FAM184A: variants seen among roughly 807,000 people sequenced by gnomAD.
FAM184A encodes the protein family with sequence similarity 184 member A, also known as protein FAM184A.
Under a neutral mutation model 143.8 loss-of-function variants are expected in FAM184A, and 99 were observed. The observed-to-expected ratio is 0.69, with a 90% CI of 0.58 to 0.81. The LOEUF is 0.81. Among genes scored for constraint, FAM184A ranks in the 40% least tolerant of loss-of-function variants. The pLI is 0.00. For synonymous variants in FAM184A, 427 were observed against 446.4 expected, an observed-to-expected ratio of 0.96 and a Z score of 0.55; for missense variants, 1,217 against 1,310.5, an observed-to-expected ratio of 0.93 and a Z score of 1.10.
rs138924797 is a variant in FAM184A, at chr6:119,093,581, A to G, written c.-202+55497T>C. Among the ~76,000 whole-genome samples, 125 of 152,308 alleles carry G rather than the reference A, an allele frequency of 8.2e-4. 2 individuals carry two copies. The highest frequency in any genetic ancestry group is 2.8e-3 in the African/African-American group (118 of 41,566). On this transcript the variant is annotated intron_variant, in intron 1 of 16. Transcript: ENST00000352896. ...AGTACCTTCCCTCTTACGGTATGCT[A>G]GAACTTGACACATTTTCAAGCTACA...
chr6:119,011,139 G>A, intron 6 of FAM184A, 170 bp downstream of exon 6: 1 of 548,814 alleles, frequency 1.8e-6, no homozygotes, highest in Non-Finnish European at 3.0e-6. Flanking sequence ...TTTACCTGGT[G>A]GAACATAATC....
intron 9 of FAM184A, among the ~76,000 whole-genome samples, chr6:118,986,195 A>G (rs1466860009): frequency 6.6e-6 from 1 of 152,086 alleles, no homozygotes; most frequent in Non-Finnish European, 1.5e-5. Context: ...TGGGAGGCTG[A>G]GGCAGGAGAA....
intron 1 of FAM184A, among the ~76,000 whole-genome samples, chr6:119,097,416 T>C (rs1202079880): frequency 6.6e-6 from 1 of 152,150 alleles, no homozygotes; most frequent in Non-Finnish European, 1.5e-5. Context: ...ACAGAATGAA[T>C]ATTCAAAAAT....
At chr6:119,014,263 C>G (rs890284599) in intron 5 of FAM184A, among the ~76,000 whole-genome samples, 1 of 152,188 alleles carries the variant, frequency 6.6e-6, no homozygotes, top group Non-Finnish European at 1.5e-5. Flanking sequence ...GCTTGGTACT[C>G]AACACTTTAT....
intron 1 of FAM184A, among the ~76,000 whole-genome samples, chr6:119,089,374 T>G (rs993107599): frequency 6.6e-6 from 1 of 152,016 alleles, no homozygotes; most frequent in Non-Finnish European, 1.5e-5. Context: ...TGGCTATTTT[T>G]TTTTGTATTT....
intron 1 of FAM184A, among the ~76,000 whole-genome samples, chr6:119,113,202 TA>T (rs139509243): frequency 0.059 from 8,955 of 151,258 alleles, 873 homozygotes; most frequent in African/African-American, 0.21. Flanking sequence ...CTCAACCCTT[TA>T]AAAAAAAATG....
At chr6:118,965,978 G>A (rs2114539624) in intron 15 of FAM184A, among the ~76,000 whole-genome samples, 1 of 152,200 alleles carries the variant, frequency 6.6e-6, no homozygotes, top group East Asian at 1.9e-4. Flanking sequence ...AAATTGGGTG[G>A]CTGGTGGATT....
intron 1 of FAM184A, among the ~76,000 whole-genome samples, chr6:119,085,826 G>A (rs1318687421): frequency 1.3e-5 from 2 of 152,202 alleles, no homozygotes; most frequent in East Asian, 3.8e-4. Context: ...CATGGAGGAG[G>A]GTGAAGGGGA....
In FAM184A at chr6:119,119,152, C is replaced by T. The variant is rs142094750; in HGVS notation, c.-202+29926G>A. 4.9e-3 allele frequency among the ~76,000 whole-genome samples: 740 copies of T among 152,290 alleles called. 7 individuals are homozygous for T. The highest frequency in any genetic ancestry group is 0.017 in the African/African-American group (704 of 41,546). On this transcript the variant is annotated intron_variant, in intron 1 of 16. Coordinates refer to the FAM184A transcript ENST00000352896. Reference sequence around the variant, plus strand: ...TCAGACTGGTTGTCTGCTGTCAAACCCTGTCTCCCGATAAGATGTTATCAA... The same window carrying T: ...TCAGACTGGTTGTCTGCTGTCAAACTCTGTCTCCCGATAAGATGTTATCAA...
intron 1 of FAM184A, among the ~76,000 whole-genome samples, chr6:119,042,088 C>T (rs1786358012): frequency 6.6e-6 from 1 of 152,166 alleles, no homozygotes; most frequent in African/African-American, 2.4e-5. Flanking sequence ...GAACCCAGAA[C>T]TGACGGTACA....
intron 1 of FAM184A, among the ~76,000 whole-genome samples, chr6:119,053,153 T>C (rs989759347): frequency 3.3e-5 from 5 of 152,258 alleles, no homozygotes; most frequent in East Asian, 3.9e-4. Flanking sequence ...GGGTCATACA[T>C]ACACTCAGCA....
At chr6:119,022,844 T>G in intron 3 of FAM184A, 101 bp downstream of exon 3, 1 of 1,431,716 alleles carries the variant, frequency 7.0e-7, no homozygotes, top group Non-Finnish European at 9.6e-7. Flanking sequence ...GCCACTGCAC[T>G]CCCGTCTGGG....
At chr6:119,017,672 G>C (rs187423791) in intron 4 of FAM184A, among the ~76,000 whole-genome samples, 28 of 152,258 alleles carry the variant, frequency 1.8e-4, no homozygotes, top group Admixed American at 1.6e-3. Context: ...TGGCAATATA[G>C]TTTTATAAGT....
Position 119,059,921 on chromosome 6 carries a change from T to C in FAM184A, c.159+18220A>G, listed in dbSNP as rs17080802. ...AGACTATTGTTTGGTATAATTTTAA[T>C]ATAAACTTCAAACCATTGCATTTTT... On this transcript the variant is annotated intron_variant, in intron 1 of 17. Transcript: ENST00000338891. 8.5e-3 allele frequency among the ~76,000 whole-genome samples: 1,301 copies of C among 152,326 alleles called. 15 individuals are homozygous for C. Among genetic ancestry groups the C allele is most frequent in the African/African-American group, 0.029 (1,223 of 41,564 alleles).
intron 9 of FAM184A, among the ~76,000 whole-genome samples, chr6:118,996,213 G>A (rs966230268): frequency 2.0e-5 from 3 of 152,152 alleles, no homozygotes; most frequent in African/African-American, 7.2e-5. Flanking sequence ...AAAATCTTAA[G>A]AGGAAGAATA....
chr6:118,965,201 G>GTTTTTT (rs1304097783), intron 15 of FAM184A, among the ~76,000 whole-genome samples: 1 of 41,798 alleles, frequency 2.4e-5, no homozygotes, highest in Non-Finnish European at 4.5e-5. Flanking sequence ...AGTTTTTTTT[G>GTTTTTT]TTTGTTTTTT....
At chr6:119,036,366 C>T (rs1786113426) in intron 1 of FAM184A, among the ~76,000 whole-genome samples, 1 of 152,028 alleles carries the variant, frequency 6.6e-6, no homozygotes, top group Non-Finnish European at 1.5e-5. Flanking sequence ...TTTACTTAAG[C>T]CAAGGGCACT....
chr6:119,034,281 T>TA (rs1422072804), intron 1 of FAM184A, among the ~76,000 whole-genome samples: 2 of 151,672 alleles, frequency 1.3e-5, no homozygotes, highest in Non-Finnish European at 2.9e-5. Flanking sequence ...TGTATATACA[T>TA]ATGCATGAAT....
chr6:118,990,526 C>T (rs1163264758), intron 9 of FAM184A, among the ~76,000 whole-genome samples: 2 of 152,042 alleles, frequency 1.3e-5, no homozygotes, highest in Non-Finnish European at 2.9e-5. Context: ...TGCTGGGTGG[C>T]AATACCACTG....
Sources: allele counts gnomAD v4.1 joint callset (sites outside exome capture counted in the v4.1 genomes callset), GRCh38; gene constraint gnomAD v4.1.1; transcripts MANE v1.5; gene names NCBI Gene and HGNC (gene_info 2026-07-23, HGNC 2026-07-21).